ATP8A2: variants seen among roughly 807,000 people sequenced by gnomAD.
ATP8A2 encodes phospholipid-transporting ATPase IB.
A neutral mutation model predicts 165.6 loss-of-function variants in ATP8A2; 100 were observed. The ratio of observed to expected loss-of-function variants is 0.60; its 90% CI spans 0.51 to 0.71. The LOEUF (loss-of-function observed/expected upper bound fraction) is 0.71, where lower values mean the gene tolerates loss of function less well. Ranked by LOEUF, ATP8A2 falls within the 30% of genes least tolerant of loss-of-function variation. ATP8A2 has a pLI of 0.00. For missense variants in ATP8A2, 1,227 were observed against 1,479.5 expected, an observed-to-expected ratio of 0.83 and a Z score of 2.80; for synonymous variants, 543 against 548.8, an observed-to-expected ratio of 0.99 and a Z score of 0.15.
At chr13:25,997,221 A>G (rs954138476) in intron 35 of ATP8A2, among the ~76,000 whole-genome samples, 1 of 152,122 alleles carries the variant, frequency 6.6e-6, no homozygotes, top group African/African-American at 2.4e-5. Context: ...TTCCTGAAAG[A>G]TATTTTCACT....
At chr13:25,887,656 T>C (rs995261651) in intron 33 of ATP8A2, among the ~76,000 whole-genome samples, 1 of 152,200 alleles carries the variant, frequency 6.6e-6, no homozygotes, top group Non-Finnish European at 1.5e-5. Flanking sequence ...ACTTTTATTA[T>C]TAATAAATTC....
intron 15 of ATP8A2, among the ~76,000 whole-genome samples, chr13:25,563,521 A>C (rs1028857776): frequency 2.0e-5 from 3 of 152,116 alleles, no homozygotes; most frequent in Non-Finnish European, 2.9e-5. Context: ...TCTTGTAATT[A>C]TTTGTTGTCT....
At chr13:25,881,216 A>G (rs994084663) in intron 33 of ATP8A2, among the ~76,000 whole-genome samples, 1 of 152,066 alleles carries the variant, frequency 6.6e-6, no homozygotes, top group African/African-American at 2.4e-5. Context: ...AGGGGTAACT[A>G]GCAAAGCTAT....
intron 2 of ATP8A2, among the ~76,000 whole-genome samples, chr13:25,481,435 C>T (rs1184034460): frequency 5.9e-5 from 9 of 152,164 alleles, no homozygotes; most frequent in African/African-American, 2.2e-4. Context: ...CCTCCTCCAT[C>T]CTGAGCCAGG....
chr13:25,560,896 T>C (rs1248942428), intron 15 of ATP8A2, among the ~76,000 whole-genome samples: 1 of 151,444 alleles, frequency 6.6e-6, no homozygotes, highest in African/African-American at 2.4e-5. Flanking sequence ...TTTTCCTTTT[T>C]TTTTTTTTGA....
chr13:25,957,489 C>T (rs117236762), intron 33 of ATP8A2, among the ~76,000 whole-genome samples: 10,369 of 152,228 alleles, frequency 0.068, 909 homozygotes, highest in East Asian at 0.48. Context: ...GACATTTATG[C>T]GGCCAACAAA....
intron 25 of ATP8A2, among the ~76,000 whole-genome samples, chr13:25,707,288 C>T (rs1314497007): frequency 2.6e-5 from 4 of 152,124 alleles, no homozygotes; most frequent in African/African-American, 4.8e-5. Flanking sequence ...AAATGGAGGG[C>T]AATTCTCATC....
intron 1 of ATP8A2, among the ~76,000 whole-genome samples, chr13:25,394,161 T>G (rs1444627657): frequency 6.8e-6 from 1 of 146,106 alleles, no homozygotes. Flanking sequence ...ATGGTTTCAG[T>G]ATTTTAGGTG....
chr13:25,416,266 G>A (rs1035098630), intron 1 of ATP8A2, among the ~76,000 whole-genome samples: 8 of 152,154 alleles, frequency 5.3e-5, no homozygotes, highest in African/African-American at 1.7e-4. Context: ...AACATTTGTT[G>A]AATGAATTAC....
At chr13:25,437,906 C>T (rs528491848) in intron 1 of ATP8A2, among the ~76,000 whole-genome samples, 1 of 152,234 alleles carries the variant, frequency 6.6e-6, no homozygotes, top group East Asian at 1.9e-4. Context: ...GGACAACCTC[C>T]AATTTGGATA....
intron 23 of ATP8A2, among the ~76,000 whole-genome samples, chr13:25,587,963 C>CT (rs933813440): frequency 7.9e-5 from 12 of 151,280 alleles, no homozygotes; most frequent in South Asian, 2.1e-4. Flanking sequence ...TTCCCCCCTC[C>CT]TTTTTTTTTG....
chr13:25,399,682 G>A (rs1480894393), intron 1 of ATP8A2, among the ~76,000 whole-genome samples: 4 of 151,214 alleles, frequency 2.6e-5, no homozygotes, highest in Admixed American at 1.3e-4. Flanking sequence ...GATTACAGGC[G>A]TGAGCCACCG....
At chr13:25,551,546 AT>A in intron 11 of ATP8A2, 43 bp downstream of exon 11, 8 of 1,556,782 alleles carry the variant, frequency 5.1e-6, no homozygotes, top group Non-Finnish European at 7.0e-6. Context: ...GAAGAAAACC[AT>A]TTTTGAGATG....
chr13:25,377,794 A>ACAAAACAAAACAAAG (rs1013539590), intron 1 of ATP8A2, among the ~76,000 whole-genome samples: 3 of 152,054 alleles, frequency 2.0e-5, no homozygotes, highest in African/African-American at 7.2e-5. Context: ...TCTCTCTCTA[A>ACAAAACAAAACAAAG]CAAAACAAAA....
chr13:25,489,518 T>C (rs964670794), intron 2 of ATP8A2, among the ~76,000 whole-genome samples: 4 of 152,156 alleles, frequency 2.6e-5, no homozygotes, highest in Non-Finnish European at 5.9e-5. Flanking sequence ...TTTTTATCCA[T>C]CTCTGACTCT....
intron 1 of ATP8A2, among the ~76,000 whole-genome samples, chr13:25,465,429 G>T (rs982945843): frequency 2.0e-5 from 3 of 151,938 alleles, no homozygotes; most frequent in Non-Finnish European, 4.4e-5. Context: ...TAGATAAGTG[G>T]GAGATATTAT....
chr13:25,933,155 T>C (rs908391430), intron 33 of ATP8A2, among the ~76,000 whole-genome samples: 6 of 152,212 alleles, frequency 3.9e-5, no homozygotes, highest in Non-Finnish European at 7.3e-5. Flanking sequence ...GCACCTGCCC[T>C]GTGTGTGGAT....
intron 1 of ATP8A2, among the ~76,000 whole-genome samples, chr13:25,413,740 G>A (rs986354106): frequency 1.3e-5 from 2 of 152,156 alleles, no homozygotes; most frequent in Admixed American, 6.5e-5. Context: ...AGAGGCCAAG[G>A]AGGTGCAGGA....
intron 24 of ATP8A2, among the ~76,000 whole-genome samples, chr13:25,654,009 A>G (rs180999840): frequency 6.0e-4 from 92 of 152,234 alleles, no homozygotes; most frequent in African/African-American, 2.2e-3. Flanking sequence ...AAAGGTGGGG[A>G]CATTTGCTTT....
Sources: gnomAD v4.1 joint callset for allele counts (sites outside exome capture counted in the v4.1 genomes callset) on GRCh38, gnomAD v4.1.1 for gene constraint, MANE v1.5 for transcripts, NCBI Gene and HGNC (gene_info 2026-07-23, HGNC 2026-07-21) for gene names.